Variants in NCALD observed in about 807,000 individuals in gnomAD.
NCALD encodes the protein neurocalcin delta.
A neutral mutation model predicts 18.6 loss-of-function variants in NCALD; 10 were observed. That is an observed-to-expected ratio of 0.54 (90% CI 0.33 to 0.91). NCALD has a LOEUF of 0.91. Ranked by LOEUF, NCALD falls within the 40% of genes least tolerant of loss-of-function variation. The pLI, the probability that NCALD is intolerant of heterozygous loss-of-function variation, is 0.03. For synonymous variants in NCALD, 88 were observed against 87.4 expected (o/e 1.01, Z -0.04); for missense variants, 184 against 247.6 (o/e 0.74, Z 1.72).
At chr8:102,058,333 C>T (rs1026314794) in intron 1 of NCALD, among the ~76,000 whole-genome samples, 1 of 152,172 alleles carries the variant, frequency 6.6e-6, no homozygotes, top group East Asian at 1.9e-4. Flanking sequence ...CTGTCATTCA[C>T]AGTGGCTTAC....
At chr8:101,955,059 C>A (rs1037995263) in intron 2 of NCALD, among the ~76,000 whole-genome samples, 7 of 152,232 alleles carry the variant, frequency 4.6e-5, no homozygotes, top group Admixed American at 4.6e-4. Context: ...TTCCTCCATC[C>A]CATAGCCGCC....
chr8:101,936,374 G>C (rs1228115930), intron 2 of NCALD, among the ~76,000 whole-genome samples: 1 of 152,156 alleles, frequency 6.6e-6, no homozygotes, highest in African/African-American at 2.4e-5. Flanking sequence ...ATGCAAAGCA[G>C]TGACTACTAG....
chr8:101,968,663 T>C (rs1820124204), intron 2 of NCALD, among the ~76,000 whole-genome samples: 2 of 152,088 alleles, frequency 1.3e-5, no homozygotes, highest in South Asian at 2.1e-4. Context: ...GGGCTTGTAG[T>C]TTCTTTCCCT....
At position 101,802,920 on chromosome 8, in the gene NCALD, AT is replaced by A. The variant is rs1181630831; in HGVS notation, c.-19-83273del. Among the ~76,000 whole-genome samples, 30 of 149,392 alleles carry A rather than the reference AT, an allele frequency of 2.0e-4. No individual in the cohort carries two copies. The Middle Eastern group carries it at 0.01, about 51-fold the overall frequency. The stretch of plus-strand genomic sequence containing the variant: ...TGCTCAAAAAAAAAAAAAAAAAAAA[AT>A]GCAACATGAAGCAGCAAGTGCTGAT... On this transcript the variant is annotated intron_variant, in intron 4 of 6. Coordinates refer to the NCALD transcript ENST00000311028.
intron 2 of NCALD, among the ~76,000 whole-genome samples, chr8:101,995,634 T>C (rs1821211167): frequency 6.6e-6 from 1 of 152,130 alleles, no homozygotes; most frequent in African/African-American, 2.4e-5. Flanking sequence ...ACCAAGAGGA[T>C]GGCCAAAGCC....
intron 1 of NCALD, among the ~76,000 whole-genome samples, chr8:102,065,114 G>C (rs113927107): frequency 2.0e-5 from 3 of 151,866 alleles, no homozygotes; most frequent in African/African-American, 7.2e-5. Flanking sequence ...GAGGGCTGAA[G>C]CAGGAGTGGA....
chr8:101,980,185 G>C (rs78454170), intron 2 of NCALD, among the ~76,000 whole-genome samples: 2,582 of 152,178 alleles, frequency 0.017, 84 homozygotes, highest in African/African-American at 0.058. Flanking sequence ...TCACCAAAGG[G>C]GAAAATATAC....
At chr8:101,770,810 A>G (rs1811556228) in intron 1 of NCALD, among the ~76,000 whole-genome samples, 1 of 152,218 alleles carries the variant, frequency 6.6e-6, no homozygotes, top group South Asian at 2.1e-4. Context: ...ATGTGGTTTC[A>G]TCTTTATGCG....
intron 1 of NCALD, among the ~76,000 whole-genome samples, chr8:102,091,857 T>C (rs1208436736): frequency 5.3e-5 from 8 of 152,194 alleles, no homozygotes; most frequent in African/African-American, 1.9e-4. Flanking sequence ...TCATTGCCCC[T>C]ATTTAGCCTG....
At chr8:101,692,629 C>T (rs543018974) in intron 3 of NCALD, 162 bp downstream of exon 3, 1 of 972,930 alleles carries the variant, frequency 1.0e-6, no homozygotes, top group Non-Finnish European at 1.2e-6. Flanking sequence ...CTGGGCTCAG[C>T]TCTCCTGTGG....
At chr8:101,711,150 C>T (rs569759527) in intron 2 of NCALD, among the ~76,000 whole-genome samples, 1 of 152,174 alleles carries the variant, frequency 6.6e-6, no homozygotes, top group Non-Finnish European at 1.5e-5. Context: ...CCCCAGCAAA[C>T]TCCAGCAGAC....
At chr8:101,763,959 T>TCTCC (rs1554624860) in intron 1 of NCALD, among the ~76,000 whole-genome samples, 6 of 125,328 alleles carry the variant, frequency 4.8e-5, no homozygotes, top group African/African-American at 1.8e-4. Context: ...AATTTCTCTC[T>TCTCC]CTCTCTCCAC....
intron 1 of NCALD, among the ~76,000 whole-genome samples, chr8:101,730,999 G>A (rs974778672): frequency 1.3e-5 from 2 of 152,200 alleles, no homozygotes; most frequent in Non-Finnish European, 2.9e-5. Flanking sequence ...AATACCAGCA[G>A]TCAGTGAACG....
chr8:101,865,061 GAAGT>G (rs1400983316), intron 4 of NCALD, among the ~76,000 whole-genome samples: 3 of 152,288 alleles, frequency 2.0e-5, no homozygotes, highest in East Asian at 1.9e-4. Context: ...GACTCAACAA[GAAGT>G]AAGGGGGTTC....
At chr8:101,761,447 CT>C (rs1173974442) in intron 1 of NCALD, among the ~76,000 whole-genome samples, 1 of 152,072 alleles carries the variant, frequency 6.6e-6, no homozygotes, top group Non-Finnish European at 1.5e-5. Context: ...ATTTTTTTTC[CT>C]GCAGTGTTTA....
chr8:101,901,584 T>C (rs1004226536), intron 3 of NCALD, among the ~76,000 whole-genome samples: 5 of 152,236 alleles, frequency 3.3e-5, no homozygotes, highest in African/African-American at 9.6e-5. Flanking sequence ...CTTACCAGAG[T>C]GTATTGGTAG....
At chr8:101,804,543 AATATAATTG>A (rs1813011062) in intron 4 of NCALD, among the ~76,000 whole-genome samples, 1 of 122,334 alleles carries the variant, frequency 8.2e-6, no homozygotes, top group Non-Finnish European at 1.6e-5. Context: ...ATATATAATT[AATATAATTG>A]ATTATATAAT....
chr8:101,732,377 G>A (rs1015716685), intron 1 of NCALD, among the ~76,000 whole-genome samples: 2 of 152,016 alleles, frequency 1.3e-5, no homozygotes, highest in Non-Finnish European at 2.9e-5. Flanking sequence ...ATCCTCTAGA[G>A]GCCACAAATT....
intron 4 of NCALD, among the ~76,000 whole-genome samples, chr8:101,881,009 C>T (rs922146295): frequency 1.3e-5 from 2 of 152,036 alleles, no homozygotes; most frequent in East Asian, 3.9e-4. Flanking sequence ...AACAGCATCA[C>T]GACACAAAAG....
Sources: allele counts gnomAD v4.1 joint callset (sites outside exome capture counted in the v4.1 genomes callset), GRCh38; gene constraint gnomAD v4.1.1; transcripts MANE v1.5; gene names NCBI Gene and HGNC (gene_info 2026-07-23, HGNC 2026-07-21).